CYTH4: variants seen among roughly 807,000 people sequenced by gnomAD.
CYTH4 encodes cytohesin 4.
In CYTH4, 22 loss-of-function variants were observed where a neutral mutation model predicts 57.5. The ratio of observed to expected loss-of-function variants is 0.38; its 90% CI spans 0.27 to 0.55. The LOEUF (loss-of-function observed/expected upper bound fraction) is 0.55. CYTH4 is among the 20% of genes least tolerant of loss of function. The probability of loss-of-function intolerance (pLI) is 0.74; values close to 1 mark genes in which losing one functional copy is unlikely to be tolerated. For missense variants in CYTH4, 420 were observed against 535.6 expected (o/e 0.78, Z 2.13); for synonymous variants, 186 against 206.5 (o/e 0.90, Z 0.85).
At chr22:37,290,492 T>A (rs1928711418) in intron 1 of CYTH4, among the ~76,000 whole-genome samples, 5 of 150,042 alleles carry the variant, frequency 3.3e-5, no homozygotes, top group Admixed American at 3.3e-4. Flanking sequence ...GGGTCTTGGG[T>A]TTTTTTGTTT....
At chr22:37,303,729 T>A (rs1205808303) in intron 8 of CYTH4, among the ~76,000 whole-genome samples, 1 of 152,166 alleles carries the variant, frequency 6.6e-6, no homozygotes, top group Non-Finnish European at 1.5e-5. Flanking sequence ...ACAGCCCAGG[T>A]CTATTTCTTA....
chr22:37,312,291 C>A, intron 12 of CYTH4, 117 bp downstream of exon 12: 1 of 1,408,460 alleles, frequency 7.1e-7, no homozygotes, highest in East Asian at 2.5e-5. Context: ...CCTCCTGTTT[C>A]TGGCTGGCAA....
intron 1 of CYTH4, among the ~76,000 whole-genome samples, chr22:37,287,891 C>T (rs766153922): frequency 6.6e-5 from 10 of 152,086 alleles, no homozygotes; most frequent in Non-Finnish European, 1.2e-4. Flanking sequence ...GTGCGCTTAA[C>T]GGGTCATAAG....
Position 37,311,208 on chromosome 22 carries a change from G to T in CYTH4, c.885+144G>T. 2.9e-6 allele frequency: 3 copies of T among 1,028,132 alleles called. No individual in the cohort carries two copies. Among genetic ancestry groups the T allele is most frequent in the Non-Finnish European group, 4.4e-6 (3 of 683,548 alleles). 63.7% of individuals were successfully genotyped at this position (1,028,132 alleles called of 1,614,324 possible). A position where few individuals can be genotyped will look rare whatever the true frequency, so the allele number is the denominator to read the frequency against. ...CCCTCCATGCCCATTTTACAGATGGGGAAAACGGGTACACAGAGGAGGGCC... is the reference window on the plus strand; with the variant it reads ...CCCTCCATGCCCATTTTACAGATGGTGAAAACGGGTACACAGAGGAGGGCC... On this transcript the variant is annotated intron_variant, in intron 10 of 12. Coordinates refer to ENST00000248901, the MANE Select transcript of CYTH4 (RefSeq NM_013385.5). The surrounding 1 kb of genome is among the most constrained non-coding windows in gnomAD (Gnocchi z 4.4).
chr22:37,291,518 ATCCC>A (rs577041266), intron 1 of CYTH4, among the ~76,000 whole-genome samples: 73 of 152,368 alleles, frequency 4.8e-4, no homozygotes, highest in African/African-American at 1.7e-3. Context: ...AGGAGAAGGC[ATCCC>A]AGAGTACAGG....
Position 37,302,765 on chromosome 22 carries a change from G to A in CYTH4, c.548-489G>A, listed in dbSNP as rs1929227086. 2.0e-5 allele frequency among the ~76,000 whole-genome samples: 3 copies of A among 152,208 alleles called. No homozygotes were observed. In the South Asian group the frequency reaches 6.2e-4, roughly 31 times the overall value. On this transcript the variant is annotated intron_variant, in intron 7 of 12. Transcript: ENST00000248901. ...GCCCAGCCCTCCCTCCTGAGTGCTT[G>A]AAAGTCTGAATAATGGGAGAGGCGC...
At chr22:37,308,002 A>G (rs185209234) in intron 8 of CYTH4, among the ~76,000 whole-genome samples, 1 of 152,354 alleles carries the variant, frequency 6.6e-6, no homozygotes, top group Non-Finnish European at 1.5e-5. Flanking sequence ...TGACTGCCAG[A>G]AAGGCTTCCG....
At chr22:37,300,226 A>G in intron 6 of CYTH4, 1 of 717,334 alleles carries the variant, frequency 1.4e-6, no homozygotes, top group Non-Finnish European at 2.6e-6. Context: ...GGAAGAAGCC[A>G]CCACCATCCA....
At chr22:37,289,551 G>A (rs896659260) in intron 1 of CYTH4, among the ~76,000 whole-genome samples, 2 of 152,248 alleles carry the variant, frequency 1.3e-5, no homozygotes, top group African/African-American at 2.4e-5. Context: ...TGGTCACGGT[G>A]TAAGCAGAGG....
rs75258328 is a variant in CYTH4, at chr22:37,292,275, G to A, written c.20-346G>A. On this transcript the variant is annotated intron_variant, in intron 1 of 12. Coordinates refer to ENST00000248901, the MANE Select transcript of CYTH4 (RefSeq NM_013385.5). ...GTGTTTAACTGAGTGCTTATGACAT[G>A]TCAGACTCTTTCTAGGTGCTGGGGA... 1,399 of 259,512 alleles carry A rather than the reference G, an allele frequency of 5.4e-3. 17 individuals carry two copies. The highest frequency in any genetic ancestry group is 0.029 in the African/African-American group (1,321 of 45,516). 16.1% of individuals were successfully genotyped at this position (259,512 alleles called of 1,614,324 possible).
chr22:37,308,885 C>T (rs1929526846), intron 8 of CYTH4, among the ~76,000 whole-genome samples: 1 of 151,268 alleles, frequency 6.6e-6, no homozygotes, highest in Admixed American at 6.6e-5. Context: ...TGTGTGTGCA[C>T]GTGTGTGTGT....
chr22:37,293,071 C>G (rs916108587), intron 2 of CYTH4, among the ~76,000 whole-genome samples: 2 of 152,252 alleles, frequency 1.3e-5, no homozygotes, highest in African/African-American at 4.8e-5. Context: ...CAGTATGTGC[C>G]CTGCACTTAC....
chr22:37,289,385 G>C (rs1399161844), intron 1 of CYTH4, among the ~76,000 whole-genome samples: 1 of 152,226 alleles, frequency 6.6e-6, no homozygotes, highest in Admixed American at 6.5e-5. Flanking sequence ...GGGAGGACTT[G>C]CCCTCATCAC....
At chr22:37,306,558 G>T (rs1929405346) in intron 8 of CYTH4, among the ~76,000 whole-genome samples, 2 of 152,226 alleles carry the variant, frequency 1.3e-5, no homozygotes, top group South Asian at 4.1e-4. Flanking sequence ...AAGATTTGGG[G>T]ATGGAGGACT....
At chr22:37,291,564 T>A (rs1317554079) in intron 1 of CYTH4, among the ~76,000 whole-genome samples, 2 of 152,198 alleles carry the variant, frequency 1.3e-5, no homozygotes, top group African/African-American at 4.8e-5. Context: ...GAAGTGGGAC[T>A]GAGTCCTGGA....
At chr22:37,282,642 G>A (rs1928407299) in intron 1 of CYTH4, 54 bp downstream of exon 1, 17 of 1,484,738 alleles carry the variant, frequency 1.1e-5, no homozygotes, top group Non-Finnish European at 1.6e-5. Flanking sequence ...TTTTAGAATG[G>A]GACAGCAGCC....
rs1929638122 is a variant in CYTH4, at chr22:37,311,404, G to A, written c.886-52G>A. 2 of 1,507,416 alleles carry A rather than the reference G, an allele frequency of 1.3e-6. No homozygotes were observed. Among genetic ancestry groups the A allele is most frequent in the Middle Eastern group, 3.4e-4 (2 of 5,870 alleles). 93.4% of individuals were successfully genotyped at this position (1,507,416 alleles called of 1,614,324 possible). ...CCCCACACGTTCACACCCTGCCTTGGGCCTCAGGGTTCCGCTTCCTGACCC... is the reference window on the plus strand; with the variant it reads ...CCCCACACGTTCACACCCTGCCTTGAGCCTCAGGGTTCCGCTTCCTGACCC... On this transcript the variant is annotated intron_variant, in intron 10 of 12. Transcript: ENST00000248901. The surrounding 1 kb of genome is among the most constrained non-coding windows in gnomAD (Gnocchi z 4.4).
chr22:37,312,070 C>T lies in CYTH4; in HGVS notation c.1008C>T (p.Ala336=), dbSNP rs143682283. 254 of 1,614,200 alleles carry T rather than the reference C, an allele frequency of 1.6e-4. 2 individuals carry two copies. The African/African-American group carries it at 2.3e-3, about 14-fold the overall frequency. ...GCTGCCGAGGCCAGAAAATCAAGGC[C>T]TGCAAGACCGATGGCGACGGCAGGG... The part of the protein sequence containing the change: ...NPSCRGQKIK[A]CKTDGDGRVV... The change falls in exon 12 of 13, where the codon GCC becomes GCT. Residue 336 remains alanine (A), a synonymous_variant. Coordinates refer to ENST00000248901, the MANE Select transcript of CYTH4 (RefSeq NM_013385.5).
chr22:37,292,375 T>G, intron 1 of CYTH4: 1 of 499,960 alleles, frequency 2.0e-6, no homozygotes, highest in South Asian at 3.0e-5. Context: ...ACAGAAAAGA[T>G]GCAAGGAAAC....
Sources: allele counts gnomAD v4.1 joint callset (sites outside exome capture counted in the v4.1 genomes callset), GRCh38; gene constraint gnomAD v4.1.1; non-coding constraint Gnocchi (gnomAD v3.1); transcripts MANE v1.5; gene names NCBI Gene and HGNC (gene_info 2026-07-23, HGNC 2026-07-21).